The following ARHGAP25 variants were observed in gnomAD, a reference collection of about 807,000 sequenced individuals.
The protein encoded by ARHGAP25 is Rho GTPase activating protein 25.
ARHGAP25 carries 34 observed loss-of-function variants against 71.0 expected under a neutral mutation model. That is an observed-to-expected ratio of 0.48 (90% CI 0.36 to 0.64). ARHGAP25 has a LOEUF of 0.64. ARHGAP25 is among the 30% of genes least tolerant of loss of function. The probability of loss-of-function intolerance (pLI) is 0.00; values close to 1 mark genes in which losing one functional copy is unlikely to be tolerated. For missense variants in ARHGAP25, 706 were observed against 805.1 expected (o/e 0.88, Z 1.49); for synonymous variants, 282 against 296.5 (o/e 0.95, Z 0.50).
intron 2 of ARHGAP25, among the ~76,000 whole-genome samples, chr2:68,729,044 A>C (rs182524803): frequency 6.6e-6 from 1 of 152,246 alleles, no homozygotes; most frequent in Non-Finnish European, 1.5e-5. Context: ...AATGTCCAGA[A>C]CAGACACCTT....
chr2:68,722,782 C>T (rs369500095), intron 2 of ARHGAP25, among the ~76,000 whole-genome samples: 2 of 152,264 alleles, frequency 1.3e-5, no homozygotes, highest in African/African-American at 4.8e-5. Flanking sequence ...TTTTCCCCAT[C>T]AAGCTGGGCA....
At chr2:68,786,927 G>A (rs1046047550) in intron 3 of ARHGAP25, among the ~76,000 whole-genome samples, 12 of 152,134 alleles carry the variant, frequency 7.9e-5, no homozygotes, top group Admixed American at 2.6e-4. Flanking sequence ...TCTTGTCCCC[G>A]CTAAGACCTT....
At chr2:68,818,452 C>G (rs191196607) in intron 8 of ARHGAP25, among the ~76,000 whole-genome samples, 1 of 152,316 alleles carries the variant, frequency 6.6e-6, no homozygotes, top group Non-Finnish European at 1.5e-5. Context: ...CTCAGCCTCC[C>G]AAGTAGCTGG....
chr2:68,747,504 C>T (rs1275068738), intron 1 of ARHGAP25, among the ~76,000 whole-genome samples: 1 of 152,198 alleles, frequency 6.6e-6, no homozygotes, highest in Non-Finnish European at 1.5e-5. Flanking sequence ...GGCTCAGTCC[C>T]CCGTCCTCTT....
intron 1 of ARHGAP25, 87 bp from the exon 2 acceptor site, chr2:68,775,134 C>T: frequency 1.9e-6 from 3 of 1,609,730 alleles, no homozygotes; most frequent in Middle Eastern, 1.7e-4. Flanking sequence ...TCTCAGCCCC[C>T]TCTGGGGTTC....
At chr2:68,818,051 C>T (rs1681359763) in intron 8 of ARHGAP25, 57 bp downstream of exon 8, 3 of 1,601,258 alleles carry the variant, frequency 1.9e-6, no homozygotes, top group Non-Finnish European at 2.6e-6. Flanking sequence ...TACAACATTC[C>T]CCCTGATATT....
chr2:68,714,973 G>A (rs535325527), intron 2 of ARHGAP25, among the ~76,000 whole-genome samples: 2 of 152,294 alleles, frequency 1.3e-5, no homozygotes, highest in South Asian at 4.1e-4. Context: ...ACTCCCCTGA[G>A]GTTGCCACTT....
chr2:68,777,358 C>T (rs55939935), intron 2 of ARHGAP25, among the ~76,000 whole-genome samples: 4,559 of 152,164 alleles, frequency 0.03, 230 homozygotes, highest in African/African-American at 0.1. Flanking sequence ...TTTTCCGGAC[C>T]CCGCTTTATT....
chr2:68,727,957 G>C (rs1200198776), intron 2 of ARHGAP25, among the ~76,000 whole-genome samples: 6 of 152,224 alleles, frequency 3.9e-5, no homozygotes, highest in African/African-American at 1.4e-4. Context: ...TAGAGAACTA[G>C]GCAAGGGGTA....
chr2:68,761,581 A>G (rs4416252), intron 1 of ARHGAP25, among the ~76,000 whole-genome samples: 91,601 of 151,838 alleles, frequency 0.6, 28,201 homozygotes, highest in South Asian at 0.67. Context: ...CAAAGGACTC[A>G]AATAGACATT....
At chr2:68,791,037 T>C (rs1179331125) in intron 4 of ARHGAP25, among the ~76,000 whole-genome samples, 2 of 152,224 alleles carry the variant, frequency 1.3e-5, no homozygotes, top group Non-Finnish European at 2.9e-5. Flanking sequence ...CTGGGAATCC[T>C]CTTTCCCCAG....
chr2:68,786,008 A>C (rs1678735392), intron 3 of ARHGAP25, among the ~76,000 whole-genome samples: 2 of 152,142 alleles, frequency 1.3e-5, no homozygotes, highest in Non-Finnish European at 2.9e-5. Flanking sequence ...AACCTTTCAA[A>C]CCCCCTTTGG....
At chr2:68,730,292 T>C (rs986893485), upstream of ARHGAP25, among the ~76,000 whole-genome samples, 1 of 152,164 alleles carries the variant, frequency 6.6e-6, no homozygotes, top group African/African-American at 2.4e-5. Context: ...TTTAAAACAC[T>C]TGTATGGTGA....
chr2:68,819,126 C>G lies in ARHGAP25; in HGVS notation c.1007C>G (p.Thr336Ser). 1.3e-6 allele frequency: 2 copies of G among 1,542,532 alleles called. No individual in the cohort carries two copies. Among genetic ancestry groups the G allele is most frequent in the Non-Finnish European group, 1.7e-6 (2 of 1,145,034 alleles). Residue 336 changes from threonine (T) to serine (S), a missense_variant, in exon 9 of 11, where the codon ACT (threonine) becomes AGT (serine). Thr to Ser is a moderately conservative substitution (Grantham distance 58). Coordinates refer to ENST00000409202, the MANE Select transcript of ARHGAP25 (RefSeq NM_001007231.3). Reference sequence around the variant, plus strand: ...ATCTTTTTCTTCTGTCTTTCAGGGACTCCTCAGATCCAAAGAGTGATGACT... The same window carrying G: ...ATCTTTTTCTTCTGTCTTTCAGGGAGTCCTCAGATCCAAAGAGTGATGACT... ...VEDPAVIMRG[T>S]PQIQRVMTMM...
intron 5 of ARHGAP25, among the ~76,000 whole-genome samples, chr2:68,809,278 C>A (rs1471442896): frequency 6.6e-6 from 1 of 152,074 alleles, no homozygotes; most frequent in Non-Finnish European, 1.5e-5. Flanking sequence ...GGGCTGTGCC[C>A]CGCAATGGGC....
chr2:68,788,175 G>A (rs987023092), intron 4 of ARHGAP25, among the ~76,000 whole-genome samples: 1 of 152,208 alleles, frequency 6.6e-6, no homozygotes, highest in Admixed American at 6.5e-5. Flanking sequence ...ATCTCAAAGA[G>A]CCATCTCCAA....
chr2:68,752,899 A>C (rs1414699028), intron 1 of ARHGAP25, among the ~76,000 whole-genome samples: 1 of 152,312 alleles, frequency 6.6e-6, no homozygotes, highest in South Asian at 2.1e-4. Flanking sequence ...AGAGAGAGAG[A>C]TATCAGGGAT....
intron 2 of ARHGAP25, among the ~76,000 whole-genome samples, chr2:68,715,406 A>C (rs12469728): frequency 0.24 from 36,650 of 151,918 alleles, 4,670 homozygotes; most frequent in East Asian, 0.37. Context: ...ACCACCACCA[A>C]CAACAACAAA....
chr2:68,744,908 A>G (rs1435497101), intron 1 of ARHGAP25, among the ~76,000 whole-genome samples: 1 of 152,222 alleles, frequency 6.6e-6, no homozygotes, highest in South Asian at 2.1e-4. Context: ...AATGCCCAGC[A>G]TGGTAATGAA....
Sources: gnomAD v4.1 joint callset for allele counts (sites outside exome capture counted in the v4.1 genomes callset) on GRCh38, gnomAD v4.1.1 for gene constraint, MANE v1.5 for transcripts, NCBI Gene and HGNC (gene_info 2026-07-23, HGNC 2026-07-21) for gene names.